Variants in IPCEF1 observed in about 807,000 individuals in gnomAD.
IPCEF1 encodes interactor protein for cytohesin exchange factors 1.
A neutral mutation model predicts 50.9 loss-of-function variants in IPCEF1; 31 were observed. The ratio of observed to expected loss-of-function variants is 0.61; its 90% CI spans 0.46 to 0.82. The LOEUF (loss-of-function observed/expected upper bound fraction) is 0.82, where lower values mean the gene tolerates loss of function less well. IPCEF1 is among the 40% of genes least tolerant of loss of function. The pLI is 0.00. For synonymous variants in IPCEF1, 181 were observed against 192.0 expected, an observed-to-expected ratio of 0.94 and a Z score of 0.47; for missense variants, 458 against 514.0, an observed-to-expected ratio of 0.89 and a Z score of 1.05.
intron 7 of IPCEF1, among the ~76,000 whole-genome samples, chr6:154,220,864 C>T (rs1204969055): frequency 6.6e-6 from 1 of 152,216 alleles, no homozygotes; most frequent in Admixed American, 6.5e-5. Context: ...ATACGTGAAT[C>T]ATCACGATAA....
rs1182449414 is a variant in IPCEF1, at chr6:154,158,259, TA to T, written c.*1568del. ...AAAATAGGTTGTGTGAACAATTTGT[TA>T]CGGGTAGGCAGGGCCAACATGGGTA... On this transcript the variant is annotated 3_prime_UTR_variant, in exon 12 of 12. Transcript: ENST00000367220. The T allele has an allele frequency of 2.0e-5, 3 of 152,206 alleles. No homozygotes were observed. The highest frequency in any genetic ancestry group is 4.4e-5 in the Non-Finnish European group (3 of 68,040). 9.4% of individuals were successfully genotyped at this position (152,206 alleles called of 1,614,324 possible).
intron 7 of IPCEF1, among the ~76,000 whole-genome samples, chr6:154,220,657 T>C (rs1055827989): frequency 2.6e-5 from 4 of 151,980 alleles, no homozygotes; most frequent in East Asian, 3.9e-4. Flanking sequence ...AATAAATAAA[T>C]AAATAACAGC....
At chr6:154,305,127 A>AG (rs199928036) in intron 1 of IPCEF1, among the ~76,000 whole-genome samples, 1 of 148,436 alleles carries the variant, frequency 6.7e-6, no homozygotes, top group East Asian at 2.0e-4. Context: ...AAAAAAAAAA[A>AG]GAAAAGAAAA....
intron 2 of IPCEF1, among the ~76,000 whole-genome samples, chr6:154,277,911 C>A (rs571131918): frequency 6.6e-6 from 1 of 152,102 alleles, no homozygotes; most frequent in South Asian, 2.1e-4. Context: ...CTGTGGTCCA[C>A]CCACTCTCAT....
chr6:154,179,219 G>C (rs1198473829), intron 10 of IPCEF1, among the ~76,000 whole-genome samples: 5 of 152,174 alleles, frequency 3.3e-5, no homozygotes, highest in Admixed American at 2.0e-4. Context: ...TGACCCCAAA[G>C]CAAATGTGAG....
Position 154,212,824 on chromosome 6 carries a change from T to A in IPCEF1, c.483A>T (p.Pro161=), listed in dbSNP as rs775096951. ...ECYSESEQED[P]EIAAETPPPP... is the part of the protein sequence containing the mutation. ...GGGGTGGTGTCTCCGCAGCTATTTC[T>A]GGATCTTCCTGTTCACTTTCACTGT... The change falls in exon 9 of 12, where the codon CCA becomes CCT. Residue 161 remains proline (P), a synonymous_variant. Coordinates refer to ENST00000367220, the MANE Select transcript of IPCEF1 (RefSeq NM_001130700.2). The A allele has an allele frequency of 2.5e-6, 4 of 1,613,542 alleles. No individual in the cohort carries two copies. In the Admixed American group the frequency reaches 6.7e-5, roughly 27 times the overall value.
intron 10 of IPCEF1, among the ~76,000 whole-genome samples, chr6:154,174,959 C>G (rs1800191624): frequency 6.6e-6 from 1 of 152,066 alleles, no homozygotes; most frequent in Non-Finnish European, 1.5e-5. Context: ...GAAAAGAAAT[C>G]ACAACAAACT....
intron 3 of IPCEF1, 104 bp downstream of exon 3, chr6:154,265,808 T>C (rs1009055430): frequency 1.3e-6 from 1 of 785,336 alleles, no homozygotes; most frequent in South Asian, 1.7e-5. Flanking sequence ...GCTAATGAAA[T>C]TGAGGACAAT....
intron 2 of IPCEF1, among the ~76,000 whole-genome samples, chr6:154,267,679 G>A (rs1450446202): frequency 1.3e-5 from 2 of 152,188 alleles, no homozygotes; most frequent in East Asian, 1.9e-4. Flanking sequence ...TAGGCAGGTC[G>A]TCCCATGGAG....
intron 1 of IPCEF1, among the ~76,000 whole-genome samples, chr6:154,321,531 A>T (rs1227251806): frequency 6.6e-6 from 1 of 152,188 alleles, no homozygotes. Flanking sequence ...TAATCCCAGC[A>T]CTTTGGGAGT....
rs1383528845 is a variant in IPCEF1 at position 154,288,673 on chromosome 6, A to AC, written c.-18+1039_-18+1040insG. Among the ~76,000 whole-genome samples the AC allele has an allele frequency of 3.4e-3, 47 of 13,990 alleles. 2 individuals carry two copies. The highest frequency in any genetic ancestry group is 0.027 in the African/African-American group (45 of 1,692). The allele number at this position is 13,990 out of a possible 152,430, so 9.2% of individuals were successfully genotyped here. A position where few individuals can be genotyped will look rare whatever the true frequency, so the allele number is the denominator to read the frequency against. ...CAAGACTCTGTCTAAAAAACAAAAA[A>AC]AACAAAAAAAAAAAAAAAAAAAAAA... On this transcript the variant is annotated intron_variant, in intron 2 of 11. Transcript: ENST00000367220.
chr6:154,279,408 TA>T (rs1174997926), intron 2 of IPCEF1, among the ~76,000 whole-genome samples: 25 of 152,358 alleles, frequency 1.6e-4, no homozygotes, highest in Non-Finnish European at 3.2e-4. Flanking sequence ...TGACTCTGGC[TA>T]GTGCTTTTCC....
At position 154,159,818 on chromosome 6, in the gene IPCEF1, T is replaced by C. The variant is rs1468879779; in HGVS notation, c.*10A>G. 5 of 1,601,074 alleles carry C rather than the reference T, an allele frequency of 3.1e-6. No homozygotes were observed. The highest frequency in any genetic ancestry group is 4.5e-5 in the East Asian group (2 of 44,788). ...GATAAAATATAAGAGGAGAAAACCC[T>C]GACTTTGTCTCAAATGGAATTTTCA... On this transcript the variant is annotated 3_prime_UTR_variant, in exon 12 of 12. Transcript: ENST00000367220.
At chr6:154,297,444 G>GTCTGGCAA (rs1407363539) in intron 1 of IPCEF1, among the ~76,000 whole-genome samples, 3 of 152,158 alleles carry the variant, frequency 2.0e-5, no homozygotes, top group African/African-American at 7.2e-5. Flanking sequence ...TGACGTGCAG[G>GTCTGGCAA]TCTGGCAATG....
chr6:154,269,456 G>A (rs1184229036), intron 2 of IPCEF1, among the ~76,000 whole-genome samples: 2 of 152,006 alleles, frequency 1.3e-5, no homozygotes, highest in Non-Finnish European at 2.9e-5. Context: ...TGGAGTTTCA[G>A]TACTTTGTTT....
intron 1 of IPCEF1, among the ~76,000 whole-genome samples, chr6:154,294,299 G>A (rs1034456680): frequency 6.6e-5 from 10 of 152,098 alleles, no homozygotes; most frequent in Admixed American, 2.6e-4. Flanking sequence ...AAACTGGGCC[G>A]AATCCTTTTT....
chr6:154,246,585 A>G lies in IPCEF1; in HGVS notation c.246+6T>C, dbSNP rs752474207. ...GCTGGGAATAGGAGGAAGAAAGCAG[A>G]CTCACCATTTGATTGCTATACCAGT... On this transcript the variant is annotated splice_donor_region_variant and intron_variant, in intron 5 of 11. Transcript: ENST00000367220. 32 of 1,606,922 alleles carry G rather than the reference A, an allele frequency of 2.0e-5. No individual in the cohort carries two copies. The highest frequency in any genetic ancestry group is 2.4e-5 in the Non-Finnish European group (28 of 1,175,328).
chr6:154,347,491 C>T (rs150904570), intron 1 of IPCEF1, among the ~76,000 whole-genome samples: 35 of 152,308 alleles, frequency 2.3e-4, no homozygotes, highest in African/African-American at 8.4e-4. Flanking sequence ...TAACACCGTC[C>T]CTTGCAGACA....
chr6:154,166,831 T>G (rs797007620), intron 11 of IPCEF1, among the ~76,000 whole-genome samples: 53 of 152,344 alleles, frequency 3.5e-4, no homozygotes, highest in African/African-American at 1.2e-3. Flanking sequence ...ATCAAATATA[T>G]TCATCAGCTT....
Sources: allele counts gnomAD v4.1 joint callset (sites outside exome capture counted in the v4.1 genomes callset), GRCh38; gene constraint gnomAD v4.1.1; transcripts MANE v1.5; gene names NCBI Gene and HGNC (gene_info 2026-07-23, HGNC 2026-07-21).